PRKAR1A: variants seen among roughly 807,000 people sequenced by gnomAD.
PRKAR1A encodes protein kinase cAMP-dependent type I regulatory subunit alpha.
PRKAR1A carries 3 observed loss-of-function variants against 52.0 expected under a neutral mutation model. That is an observed-to-expected ratio of 0.06 (90% CI 0.03 to 0.15). The LOEUF (loss-of-function observed/expected upper bound fraction) is 0.15, where lower values mean the gene tolerates loss of function less well. Ranked by LOEUF, PRKAR1A falls within the 10% of genes least tolerant of loss-of-function variation. The pLI is 1.00. For missense variants in PRKAR1A, 240 were observed against 477.4 expected, an observed-to-expected ratio of 0.50 and a Z score of 4.63; for synonymous variants, 188 against 168.4, an observed-to-expected ratio of 1.12 and a Z score of -0.90.
the PRKAR1A span, among the ~76,000 whole-genome samples, chr17:68,484,991 G>C: frequency 6.6e-6 from 1 of 152,354 alleles, no homozygotes; most frequent in East Asian, 1.9e-4. Context: ...TAGCAATTTA[G>C]TTTGTAAGAG....
downstream of PRKAR1A, chr17:68,537,570 C>A: frequency 1.9e-6 from 3 of 1,613,410 alleles, no homozygotes; most frequent in South Asian, 3.3e-5. The surrounding 1 kb of genome is among the most constrained non-coding windows in gnomAD (Gnocchi z 4.2). Flanking sequence ...CCACTATGCA[C>A]CCCTCCACTG....
the PRKAR1A span, chr17:68,450,786 G>A: frequency 1.2e-6 from 2 of 1,613,978 alleles, no homozygotes; most frequent in Admixed American, 1.7e-5. Context: ...ACAGATCTCT[G>A]TGCCTTTCTT....
chr17:68,426,538 GTTTTTA>G, the PRKAR1A span, among the ~76,000 whole-genome samples: 3 of 151,996 alleles, frequency 2.0e-5, no homozygotes, highest in Admixed American at 6.6e-5. Flanking sequence ...TTTTAGTTTA[GTTTTTA>G]TTTTTTGAAA....
chr17:68,426,253 G>GGGGGGGGGGGGGGGGGGT, the PRKAR1A span: 1 of 841,018 alleles, frequency 1.2e-6, no homozygotes. Context: ...GGGGAGCGGG[G>GGGGGGGGGGGGGGGGGGT]GCTCAAATAA....
chr17:68,540,894 G>A lies in PRKAR1A; in HGVS notation c.974-10190G>A, dbSNP rs149139420. The stretch of plus-strand genomic sequence containing the variant: ...GCCATGTCGATGACATTGAGGAGCC[G>A]CTGGCTGTTGTTGTACGGGTAGATC... On this transcript the variant is annotated intron_variant, in intron 11 of 11. Coordinates refer to the PRKAR1A transcript ENST00000585981. The A allele has an allele frequency of 3.7e-5, 59 of 1,605,090 alleles. No homozygotes were observed. Among genetic ancestry groups the A allele is most frequent in the Middle Eastern group, 4.2e-4 (2 of 4,772 alleles).
At chr17:68,524,170 CTT>C in intron 5 of PRKAR1A, 93 bp downstream of exon 5, 4 of 1,279,518 alleles carry the variant, frequency 3.1e-6, no homozygotes, top group Non-Finnish European at 4.4e-6. Flanking sequence ...TTGTTTTCCT[CTT>C]TGATCCTACC....
At chr17:68,483,649 G>A in the PRKAR1A span, among the ~76,000 whole-genome samples, 1 of 152,168 alleles carries the variant, frequency 6.6e-6, no homozygotes, top group Non-Finnish European at 1.5e-5. Flanking sequence ...ATCACCTGAG[G>A]TCAGGAGTTC....
chr17:68,474,622 G>A, the PRKAR1A span, among the ~76,000 whole-genome samples: 6 of 152,164 alleles, frequency 3.9e-5, no homozygotes, highest in Non-Finnish European at 7.3e-5. Context: ...TAGGGCGGGA[G>A]CAGTGGCTCA....
the PRKAR1A span, chr17:68,427,481 C>T: frequency 2.8e-5 from 9 of 323,780 alleles, no homozygotes; most frequent in East Asian, 1.4e-4. Flanking sequence ...CTCAGCCTCC[C>T]GAGTAGCTGC....
chr17:68,522,099 G>A (rs933172046), intron 2 of PRKAR1A, among the ~76,000 whole-genome samples: 1 of 152,148 alleles, frequency 6.6e-6, no homozygotes, highest in Non-Finnish European at 1.5e-5. Flanking sequence ...TTATAGATAC[G>A]ATCTCGTTTA....
intron 2 of PRKAR1A, among the ~76,000 whole-genome samples, chr17:68,522,308 C>T (rs985486116): frequency 6.6e-6 from 1 of 152,138 alleles, no homozygotes; most frequent in South Asian, 2.1e-4. Context: ...TCTTGGATCA[C>T]TATGTTGGGC....
chr17:68,533,050 T>G lies in PRKAR1A; in HGVS notation c.*2601T>G, dbSNP rs1348908817. On this transcript the variant is annotated 3_prime_UTR_variant, in exon 11 of 11. Coordinates refer to ENST00000589228, the MANE Select transcript of PRKAR1A (RefSeq NM_002734.5). The stretch of plus-strand genomic sequence containing the variant: ...GATTTCCTTTTGATTGAAGACAGAT[T>G]GGTTCTGTGGCCTTGGAACTTTCCC... 9.4e-7 allele frequency: 1 copy of G among 1,065,698 alleles called. No homozygotes were observed. Among genetic ancestry groups the G allele is most frequent in the African/African-American group, 1.6e-5 (1 of 61,108 alleles). The allele number at this position is 1,065,698 out of a possible 1,614,324, so 66.0% of individuals were successfully genotyped here. A position where few individuals can be genotyped will look rare whatever the true frequency, so the allele number is the denominator to read the frequency against.
At chr17:68,536,812 A>C, downstream of PRKAR1A, 2 of 454,068 alleles carry the variant, frequency 4.4e-6, no homozygotes, top group South Asian at 3.1e-5. Flanking sequence ...TTTCAATTGT[A>C]ATACTCTTCA....
intron 11 of PRKAR1A, chr17:68,542,568 T>G (rs2086351372): frequency 2.6e-6 from 2 of 776,478 alleles, no homozygotes; most frequent in Admixed American, 1.9e-5. Flanking sequence ...TCTTACAACT[T>G]CATACGCCCA....
intron 11 of PRKAR1A, chr17:68,542,824 G>T: frequency 6.3e-7 from 1 of 1,587,260 alleles, no homozygotes; most frequent in South Asian, 1.1e-5. Context: ...AAGAGAGGAA[G>T]CTCTGTTCCA....
the PRKAR1A span, among the ~76,000 whole-genome samples, chr17:68,451,088 C>T: frequency 0.011 from 1,626 of 152,336 alleles, 25 homozygotes; most frequent in African/African-American, 0.037. Context: ...GCTTTTTACC[C>T]TCTCCCAGGG....
At chr17:68,464,643 C>A in the PRKAR1A span, among the ~76,000 whole-genome samples, 1 of 150,988 alleles carries the variant, frequency 6.6e-6, no homozygotes, top group Non-Finnish European at 1.5e-5. Context: ...ATCGTGCCGC[C>A]GCACACTGTA....
chr17:68,478,626 G>A, the PRKAR1A span, among the ~76,000 whole-genome samples: 1 of 151,792 alleles, frequency 6.6e-6, no homozygotes, highest in African/African-American at 2.4e-5. Context: ...GTGTGTGTGT[G>A]TATCTGAATG....
Position 68,530,715 on chromosome 17 carries a change from G to A in PRKAR1A, c.*266G>A. The A allele has an allele frequency of 7.3e-7, 1 of 1,365,128 alleles. No homozygotes were observed. The highest frequency in any genetic ancestry group is 1.5e-5 in the South Asian group (1 of 66,500). The allele number at this position is 1,365,128 out of a possible 1,614,324, so 84.6% of individuals were successfully genotyped here. On this transcript the variant is annotated 3_prime_UTR_variant, in exon 11 of 11. Coordinates refer to ENST00000589228, the MANE Select transcript of PRKAR1A (RefSeq NM_002734.5). ...TGTGCAGTGTTAGTATTCACCCTGG[G>A]CAGTGAGTGCCATGCTTTTTGGTGA...
Sources: gnomAD v4.1 joint callset for allele counts (sites outside exome capture counted in the v4.1 genomes callset) on GRCh38, gnomAD v4.1.1 for gene constraint, Gnocchi (gnomAD v3.1) non-coding constraint, MANE v1.5 for transcripts, NCBI Gene and HGNC (gene_info 2026-07-23, HGNC 2026-07-21) for gene names.